The following A2ML1 variants were observed in gnomAD, a reference collection of about 807,000 sequenced individuals.
A2ML1 encodes alpha-2-macroglobulin-like protein 1.
Under a neutral mutation model 181.9 loss-of-function variants are expected in A2ML1, and 161 were observed. That is an observed-to-expected ratio of 0.89 (90% confidence interval 0.78 to 1.01). The LOEUF (loss-of-function observed/expected upper bound fraction) is 1.01. Ranked by LOEUF, A2ML1 falls within the 50% of genes least tolerant of loss-of-function variation. A2ML1 has a pLI of 0.00. For synonymous variants in A2ML1, 663 were observed against 666.8 expected (o/e 0.99, Z 0.09); for missense variants, 1,670 against 1,768.1 (o/e 0.94, Z 1.00).
intron 29 of A2ML1, among the ~76,000 whole-genome samples, chr12:8,865,985 A>G (rs1944411604): frequency 6.6e-6 from 1 of 152,184 alleles, no homozygotes; most frequent in Admixed American, 6.5e-5. Context: ...AAGAATGAAC[A>G]TCTTTTAATA....
At position 8,874,504 on chromosome 12, in the gene A2ML1, A is replaced by G. The variant is rs953122803; in HGVS notation, c.4301A>G (p.Lys1434Arg). ...LVTNLKPATI[K>R]VYDYYLPDEQ... The stretch of plus-strand genomic sequence containing the variant: ...ACCAACTTGAAACCAGCAACCATCA[A>G]GGTCTATGACTACTACCTACCAGGT... Residue 1434 changes from lysine to arginine, a missense_variant, in exon 34 of 36, where the codon AAG becomes AGG. Transcript: ENST00000299698. The G allele has an allele frequency of 1.1e-5, 18 of 1,613,846 alleles. No individual in the cohort carries two copies. The highest frequency in any genetic ancestry group is 2.2e-5 in the East Asian group (1 of 44,892).
At chr12:8,873,429 G>T (rs980017519) in intron 33 of A2ML1, among the ~76,000 whole-genome samples, 1 of 151,906 alleles carries the variant, frequency 6.6e-6, no homozygotes, top group Non-Finnish European at 1.5e-5. Context: ...TTCTCCATTT[G>T]CTAATTTATT....
At position 8,843,256 on chromosome 12, in the gene A2ML1, G is replaced by T; in HGVS notation, c.1371G>T (p.Arg457=). Residue 457 remains arginine, a synonymous_variant, in exon 12 of 36, where the codon CGG becomes CGT. Coordinates refer to ENST00000299698, the MANE Select transcript of A2ML1 (RefSeq NM_144670.6). ...STTRSFLGIH[R]LNGPLKCGQP... is the part of the protein sequence containing the mutation. ...CCCGCAGCTTCCTTGGCATCCACCGGCTAAACGGCCCCTTGAAATGTGGCC... is the reference window on the plus strand; with the variant it reads ...CCCGCAGCTTCCTTGGCATCCACCGTCTAAACGGCCCCTTGAAATGTGGCC... 3.7e-6 allele frequency: 6 copies of T among 1,614,160 alleles called. No homozygotes were observed. Among genetic ancestry groups the T allele is most frequent in the Non-Finnish European group, 5.1e-6 (6 of 1,180,040 alleles).
chr12:8,836,194 C>A, intron 6 of A2ML1, 61 bp from the exon 7 acceptor site: 1 of 1,394,392 alleles, frequency 7.2e-7, no homozygotes, highest in Non-Finnish European at 1.0e-6. Flanking sequence ...CCTCTGCTCA[C>A]TGCCTGTCTG....
rs764460041 is a variant in A2ML1, at chr12:8,835,646, C to T, written c.623C>T (p.Thr208Ile). 6 of 1,614,036 alleles carry T rather than the reference C, an allele frequency of 3.7e-6. No individual in the cohort carries two copies. In the African/African-American group the frequency reaches 8.0e-5, roughly 22 times the overall value. Residue 208 changes from threonine to isoleucine, a missense_variant, in exon 6 of 36, where the codon ACT becomes ATT. By Grantham distance (89) the Thr-to-Ile change is moderately conservative. Coordinates refer to ENST00000299698, the MANE Select transcript of A2ML1 (RefSeq NM_144670.6). ...GTGGCTGAGGGCAAGACCTTTGGTA[C>T]TTTCAGTGTGGAGGAATATGGTAGG... Reference protein sequence around the residue: ...VAVAEGKTFGTFSVEEYVLPK... With the variant: ...VAVAEGKTFGIFSVEEYVLPK...
At chr12:8,844,909 G>C in intron 12 of A2ML1, 1 of 1,107,122 alleles carries the variant, frequency 9.0e-7, no homozygotes, top group Non-Finnish European at 1.2e-6. Flanking sequence ...CGTGGGATGA[G>C]AGCCTGCTTG....
Position 8,835,525 on chromosome 12 carries a change from A to T in A2ML1, c.502A>T (p.Ile168Phe). 3.1e-6 allele frequency: 5 copies of T among 1,614,116 alleles called. No individual in the cohort carries two copies. The highest frequency in any genetic ancestry group is 2.5e-6 in the Non-Finnish European group (3 of 1,180,006). The change falls in exon 6 of 36, where the codon ATT (isoleucine) becomes TTT (phenylalanine). Residue 168 changes from isoleucine to phenylalanine, a missense_variant. Ile to Phe is a conservative substitution (Grantham distance 21). Coordinates refer to ENST00000299698, the MANE Select transcript of A2ML1 (RefSeq NM_144670.6). The stretch of plus-strand genomic sequence containing the variant: ...TGGACAGGATCCAAATAGCAACAGG[A>T]TTGCACAGTGGCTGGAAGTGGTACC... ...VELQDPNSNR[I>F]AQWLEVVPEQ...
At chr12:8,840,085 C>A (rs189829101) in intron 10 of A2ML1, among the ~76,000 whole-genome samples, 2 of 151,874 alleles carry the variant, frequency 1.3e-5, no homozygotes, top group African/African-American at 4.8e-5. Context: ...TCCGGCAGGG[C>A]GTGGTGGCTC....
intron 8 of A2ML1, among the ~76,000 whole-genome samples, chr12:8,837,894 A>G (rs984656663): frequency 3.0e-3 from 25 of 8,330 alleles, no homozygotes; most frequent in Non-Finnish European, 8.7e-3. Context: ...CCCCACCGAA[A>G]AAAAAAAAAA....
At chr12:8,847,447 G>A (rs1943730652) in intron 14 of A2ML1, 102 bp from the exon 15 acceptor site, 4 of 1,316,100 alleles carry the variant, frequency 3.0e-6, no homozygotes, top group Non-Finnish European at 4.2e-6. Context: ...AGAATGGGTT[G>A]GATGTCATAG....
intron 22 of A2ML1, 65 bp downstream of exon 22, chr12:8,854,896 AT>A (rs397850452): frequency 0.054 from 67,936 of 1,267,982 alleles, 10 homozygotes; most frequent in South Asian, 0.061. Flanking sequence ...TTTTCTTTTC[AT>A]TTTTTTTTTT....
At chr12:8,876,016 TCA>T in intron 35 of A2ML1, 40 bp from the exon 36 acceptor site, 1 of 152,292 alleles carries the variant, frequency 6.6e-6, no homozygotes, top group East Asian at 1.9e-4. Context: ...CTTCTGAGTA[TCA>T]CAGTGTCTTC....
intron 4 of A2ML1, among the ~76,000 whole-genome samples, chr12:8,833,063 T>A (rs902560965): frequency 6.8e-6 from 1 of 147,638 alleles, no homozygotes; most frequent in Non-Finnish European, 1.5e-5. Flanking sequence ...AACCTCCCCC[T>A]CCTGGGTTCA....
In A2ML1 at chr12:8,823,767, G is replaced by T. The variant is rs1253517704; in HGVS notation, c.294G>T (p.Val98=). ...CAGAAGAAGTGGCCACAATCCGGGT[G>T]TCGGGAGTTGGAAATAACATCAGCT... The part of the protein sequence containing the change: ...GGTEEVATIR[V]SGVGNNISFE... The change falls in exon 3 of 36, where the codon GTG becomes GTT. Residue 98 remains valine (V), a synonymous_variant. Coordinates refer to ENST00000299698, the MANE Select transcript of A2ML1 (RefSeq NM_144670.6). 4 of 1,614,132 alleles carry T rather than the reference G, an allele frequency of 2.5e-6. No homozygotes were observed. The highest frequency in any genetic ancestry group is 3.4e-6 in the Non-Finnish European group (4 of 1,180,024).
intron 29 of A2ML1, 130 bp downstream of exon 29, chr12:8,864,138 ATGGAAGTATT>A (rs2136944729): frequency 2.6e-6 from 2 of 756,660 alleles, no homozygotes; most frequent in Non-Finnish European, 2.1e-6. Context: ...TGAACAATAT[ATGGAAGTATT>A]CATAAAATGG....
intron 13 of A2ML1, 23 bp downstream of exon 13, chr12:8,845,525 G>A: frequency 6.2e-7 from 1 of 1,613,440 alleles, no homozygotes; most frequent in Non-Finnish European, 8.5e-7. Flanking sequence ...GCTTTTCCCG[G>A]AAGCAAACAG....
intron 26 of A2ML1, among the ~76,000 whole-genome samples, chr12:8,858,949 A>G (rs1409583480): frequency 6.6e-6 from 1 of 152,066 alleles, no homozygotes; most frequent in Non-Finnish European, 1.5e-5. Context: ...ATTTGATATT[A>G]TTTCATGTTT....
intron 4 of A2ML1, among the ~76,000 whole-genome samples, chr12:8,831,740 T>C (rs1283921763): frequency 6.7e-6 from 1 of 150,172 alleles, no homozygotes; most frequent in African/African-American, 2.5e-5. Context: ...ATCGAGTTTT[T>C]TTTTGTTTTT....
intron 21 of A2ML1, 90 bp from the exon 22 acceptor site, chr12:8,854,690 A>C: frequency 2.1e-6 from 3 of 1,420,126 alleles, no homozygotes; most frequent in Non-Finnish European, 3.0e-6. Flanking sequence ...CCCTGGGGGC[A>C]CAGCGAGGGG....
Sources: allele counts gnomAD v4.1 joint callset (sites outside exome capture counted in the v4.1 genomes callset), GRCh38; gene constraint gnomAD v4.1.1; transcripts MANE v1.5; gene names NCBI Gene and HGNC (gene_info 2026-07-23, HGNC 2026-07-21).